Variants in PHLPP1 observed in about 807,000 individuals in gnomAD.
PHLPP1 encodes PH domain leucine-rich repeat-containing protein phosphatase 1.
A neutral mutation model predicts 117.2 loss-of-function variants in PHLPP1; 42 were observed. The observed-to-expected ratio is 0.36, with a 90% CI of 0.28 to 0.46. The LOEUF is 0.46. PHLPP1 is among the 20% of genes least tolerant of loss of function. The pLI is 1.00. For synonymous variants in PHLPP1, 1,042 were observed against 970.7 expected (o/e 1.07, Z -1.37); for missense variants, 2,084 against 2,241.9 (o/e 0.93, Z 1.42).
chr18:62,771,945 C>T (rs1340746265), intron 1 of PHLPP1, among the ~76,000 whole-genome samples: 2 of 152,182 alleles, frequency 1.3e-5, no homozygotes, highest in African/African-American at 4.8e-5. Context: ...TTTGGGAGCA[C>T]TTCAGATTTC....
At chr18:62,872,606 C>A (rs941199568) in intron 4 of PHLPP1, among the ~76,000 whole-genome samples, 3 of 151,868 alleles carry the variant, frequency 2.0e-5, no homozygotes, top group Non-Finnish European at 4.4e-5. Context: ...GCAGGAGAAT[C>A]GCTTGAACCC....
At chr18:62,787,200 G>C (rs1442279949) in intron 1 of PHLPP1, among the ~76,000 whole-genome samples, 24 of 151,690 alleles carry the variant, frequency 1.6e-4, no homozygotes, top group Non-Finnish European at 2.2e-4. Flanking sequence ...CTCAATTTTT[G>C]AAATATAGCT....
At chr18:62,836,798 A>G (rs958970282) in intron 2 of PHLPP1, among the ~76,000 whole-genome samples, 1 of 151,630 alleles carries the variant, frequency 6.6e-6, no homozygotes, top group Admixed American at 6.6e-5. Context: ...GGCGTGGCTC[A>G]TGCCTATAAT....
intron 10 of PHLPP1, among the ~76,000 whole-genome samples, chr18:62,940,083 C>T (rs1910083684): frequency 6.6e-6 from 1 of 152,068 alleles, no homozygotes; most frequent in Admixed American, 6.5e-5. Context: ...TGAGCACTGT[C>T]TCTTTCCCAC....
At chr18:62,974,071 A>G (rs1911124045) in intron 15 of PHLPP1, among the ~76,000 whole-genome samples, 1 of 152,074 alleles carries the variant, frequency 6.6e-6, no homozygotes, top group Non-Finnish European at 1.5e-5. Context: ...TCCCTTCACA[A>G]CCCCCAAAAG....
intron 1 of PHLPP1, among the ~76,000 whole-genome samples, chr18:62,765,970 C>T (rs1399705211): frequency 3.4e-5 from 5 of 147,466 alleles, no homozygotes; most frequent in Admixed American, 1.4e-4. Flanking sequence ...TGCACTCCAG[C>T]CTGGGCGACA....
At chr18:62,813,979 C>CT (rs1305045609) in intron 1 of PHLPP1, among the ~76,000 whole-genome samples, 3 of 151,114 alleles carry the variant, frequency 2.0e-5, no homozygotes, top group Non-Finnish European at 4.4e-5. Context: ...TTTTTAATTA[C>CT]TTTAGCCCTA....
At chr18:62,822,036 C>T (rs576325980) in intron 1 of PHLPP1, among the ~76,000 whole-genome samples, 3 of 152,278 alleles carry the variant, frequency 2.0e-5, no homozygotes, top group Admixed American at 6.5e-5. Context: ...TTTGATGTTA[C>T]ACAGAGCCAT....
intron 4 of PHLPP1, among the ~76,000 whole-genome samples, chr18:62,881,147 T>G (rs1354514620): frequency 1.3e-5 from 2 of 152,216 alleles, no homozygotes; most frequent in Non-Finnish European, 2.9e-5. Context: ...TGGACACTGA[T>G]GCGTGGGAAT....
At chr18:62,717,430 A>G (rs1910792189) in intron 1 of PHLPP1, among the ~76,000 whole-genome samples, 171 bp downstream of exon 1, 1 of 152,270 alleles carries the variant, frequency 6.6e-6, no homozygotes, top group East Asian at 1.9e-4. Flanking sequence ...AGATTGAGCA[A>G]TCTTTAAATC....
chr18:62,900,425 T>TTCTC lies in PHLPP1; in HGVS notation c.2445-2538_2445-2537insCTCT, dbSNP rs1262547962. 8.1e-3 allele frequency among the ~76,000 whole-genome samples: 1,146 copies of TTCTC among 142,358 alleles called. 328 individuals are homozygous for TTCTC. Among genetic ancestry groups the TTCTC allele is most frequent in the African/African-American group, 0.021 (818 of 38,118 alleles). 93.4% of individuals were successfully genotyped at this position (142,358 alleles called of 152,430 possible). Reference sequence around the variant, plus strand: ...AGTTGTTTGTATTCTTGTTTTTTCTTTTTCTTTCTTTTTTTTTTTTTTTTT... The same window carrying TTCTC: ...AGTTGTTTGTATTCTTGTTTTTTCTTTCTCTTTCTTTCTTTTTTTTTTTTTTTTT... On this transcript the variant is annotated intron_variant, in intron 6 of 16. Transcript: ENST00000262719.
intron 1 of PHLPP1, among the ~76,000 whole-genome samples, chr18:62,795,205 C>T (rs552470475): frequency 3.9e-5 from 6 of 151,976 alleles, no homozygotes; most frequent in Admixed American, 2.0e-4. Context: ...TGGCCGGGCG[C>T]GATGGCTCAC....
Position 62,849,832 on chromosome 18 carries a change from A to AT in PHLPP1, c.1900-10603_1900-10602insT, listed in dbSNP as rs747097979. ...AAAAAAAAAAAAAAAAAAAAAAAAA[A>AT]ATATATATATCCTTTAAAGTTTAGT... On this transcript the variant is annotated intron_variant, in intron 3 of 16. Coordinates refer to ENST00000262719, the MANE Select transcript of PHLPP1 (RefSeq NM_194449.4). 3.6e-3 allele frequency among the ~76,000 whole-genome samples: 118 copies of AT among 33,088 alleles called. 21 individuals carry two copies. Among genetic ancestry groups the AT allele is most frequent in the African/African-American group, 4.4e-3 (36 of 8,098 alleles). The allele number at this position is 33,088 out of a possible 152,430, so 21.7% of individuals were successfully genotyped here.
intron 1 of PHLPP1, among the ~76,000 whole-genome samples, chr18:62,819,842 C>A (rs531689381): frequency 6.6e-6 from 1 of 152,162 alleles, no homozygotes; most frequent in Non-Finnish European, 1.5e-5. Flanking sequence ...GAAGGGGTTT[C>A]ACCATGTTGG....
Position 62,900,301 on chromosome 18 carries a change from TAATAAATAAATA to T in PHLPP1, c.2445-2624_2445-2613del, listed in dbSNP as rs142418645. ...GACAGAGCAAGACTTTGCCTTAAAATAATAAATAAATAAATAAATAAATAAATAAATAAATAA... is the reference window on the plus strand; with the variant it reads ...GACAGAGCAAGACTTTGCCTTAAAATAATAAATAAATAAATAAATAAATAA... On this transcript the variant is annotated intron_variant, in intron 6 of 16. Coordinates refer to ENST00000262719, the MANE Select transcript of PHLPP1 (RefSeq NM_194449.4). Among the ~76,000 whole-genome samples the T allele has an allele frequency of 8.1e-3, 1,168 of 144,738 alleles. 13 individuals carry two copies. The highest frequency in any genetic ancestry group is 0.036 in the South Asian group (157 of 4,410). 95.0% of individuals were successfully genotyped at this position (144,738 alleles called of 152,430 possible). A position where few individuals can be genotyped will look rare whatever the true frequency, so the allele number is the denominator to read the frequency against.
chr18:62,956,896 A>G (rs979097439), intron 12 of PHLPP1, among the ~76,000 whole-genome samples: 5 of 152,158 alleles, frequency 3.3e-5, no homozygotes, highest in African/African-American at 1.2e-4. Flanking sequence ...ATTTTACCCA[A>G]TCTCTACCCT....
intron 4 of PHLPP1, among the ~76,000 whole-genome samples, chr18:62,893,323 G>A (rs1916473139): frequency 6.6e-6 from 1 of 152,200 alleles, no homozygotes; most frequent in Non-Finnish European, 1.5e-5. Flanking sequence ...GGGATTACAG[G>A]TATGAGCCAC....
chr18:62,963,234 G>C, intron 13 of PHLPP1, 134 bp from the exon 14 acceptor site: 1 of 590,596 alleles, frequency 1.7e-6, no homozygotes, highest in South Asian at 2.2e-5. Context: ...AAGTATTTCA[G>C]ACACATTAAA....
At chr18:62,917,238 A>G (rs1909317054) in intron 9 of PHLPP1, among the ~76,000 whole-genome samples, 1 of 149,112 alleles carries the variant, frequency 6.7e-6, no homozygotes, top group Non-Finnish European at 1.5e-5. Flanking sequence ...ATATAAACAA[A>G]CAAATTCAAG....
Sources: allele counts gnomAD v4.1 joint callset (sites outside exome capture counted in the v4.1 genomes callset), GRCh38; gene constraint gnomAD v4.1.1; transcripts MANE v1.5; gene names NCBI Gene and HGNC (gene_info 2026-07-23, HGNC 2026-07-21).